ABHD12B: variants seen among roughly 807,000 people sequenced by gnomAD.
ABHD12B encodes the protein abhydrolase domain containing 12B, also known as protein ABHD12B.
A neutral mutation model predicts 50.4 loss-of-function variants in ABHD12B; 42 were observed. The observed-to-expected ratio is 0.83, with a 90% CI of 0.65 to 1.08. The LOEUF (loss-of-function observed/expected upper bound fraction) is 1.08. Ranked by LOEUF, ABHD12B falls within the 50% of genes least tolerant of loss-of-function variation. The pLI is 0.00. For missense variants in ABHD12B, 479 were observed against 447.7 expected (o/e 1.07, Z -0.63); for synonymous variants, 167 against 160.3 (o/e 1.04, Z -0.32).
Position 50,904,349 on chromosome 14 carries a change from A to G in ABHD12B, c.1072A>G (p.Ser358Gly), listed in dbSNP as rs1349520885. 6.2e-7 allele frequency: 1 copy of G among 1,613,990 alleles called. No homozygotes were observed. Among genetic ancestry groups the G allele is most frequent in the African/African-American group, 1.3e-5 (1 of 75,036 alleles). ...TLLITVRDFL[S>G]KQWS ...GTCCTTTTTCTACAGAGATTTCCTG[A>G]GCAAGCAGTGGTCATGAGTCTGGGA... Residue 358 changes from serine to glycine, a missense_variant, in exon 13 of 13, where the codon AGC (serine) becomes GGC (glycine). Transcript: ENST00000337334.
rs749773997 is a variant in ABHD12B at position 50,885,803 on chromosome 14, A to C, written c.570A>C (p.Gly190=). The change falls in exon 7 of 13, where the codon GGA becomes GGC. Residue 190 remains glycine (G), a synonymous_variant. Coordinates refer to ENST00000337334, the MANE Select transcript of ABHD12B (RefSeq NM_001206673.2). ...CTACAGGTAAGCCCACAGAGGAGGG[A>C]CTGACTACGGATGCCATTTGTGTCT... ...GDSTGKPTEE[G]LTTDAICVYE... is the part of the protein sequence containing the mutation. 5.0e-6 allele frequency: 8 copies of C among 1,614,030 alleles called. No individual in the cohort carries two copies. In the East Asian group the frequency reaches 1.8e-4, roughly 36 times the overall value.
Position 50,904,773 on chromosome 14 carries a change from G to A in ABHD12B, c.*407G>A. On this transcript the variant is annotated 3_prime_UTR_variant, in exon 13 of 13. Coordinates refer to ENST00000337334, the MANE Select transcript of ABHD12B (RefSeq NM_001206673.2). ...GTAATAGGAGGTGGGACTGAGCTCTGATGAATGAGATTAGTGCCCTTATAA... is the reference window on the plus strand; with the variant it reads ...GTAATAGGAGGTGGGACTGAGCTCTAATGAATGAGATTAGTGCCCTTATAA... The A allele has an allele frequency of 3.6e-6, 1 of 274,826 alleles. No homozygotes were observed. The highest frequency in any genetic ancestry group is 4.5e-5 in the South Asian group (1 of 22,012). 17.0% of individuals were successfully genotyped at this position (274,826 alleles called of 1,614,324 possible). A position where few individuals can be genotyped will look rare whatever the true frequency, so the allele number is the denominator to read the frequency against.
chr14:50,889,568 G>C (rs1334501693), intron 9 of ABHD12B, among the ~76,000 whole-genome samples: 1 of 152,160 alleles, frequency 6.6e-6, no homozygotes. Context: ...AACCCGGGAG[G>C]CAGAGGTTGC....
intron 7 of ABHD12B, among the ~76,000 whole-genome samples, chr14:50,886,309 C>A (rs951157421): frequency 2.6e-5 from 4 of 151,734 alleles, no homozygotes; most frequent in African/African-American, 9.7e-5. Flanking sequence ...CTTGGTGGTG[C>A]GTGCCTGTAA....
At position 50,885,910 on chromosome 14, in the gene ABHD12B, C is replaced by A; in HGVS notation, c.662+15C>A. On this transcript the variant is annotated intron_variant, in intron 7 of 12. Transcript: ENST00000337334. ...CTGGGTACAGGGTAAGTGAGATCTG[C>A]AAATGTGTCCTTAGGCAGGTCCTTG... The A allele has an allele frequency of 6.2e-7, 1 of 1,613,624 alleles. No individual in the cohort carries two copies. The highest frequency in any genetic ancestry group is 8.5e-7 in the Non-Finnish European group (1 of 1,179,936).
chr14:50,878,820 T>G lies in ABHD12B; in HGVS notation c.308T>G (p.Val103Gly), dbSNP rs1390502362. Residue 103 changes from valine (V) to glycine (G), a missense_variant, in exon 3 of 13, where the codon GTT becomes GGT. Val to Gly is a moderately radical substitution (Grantham distance 109). Coordinates refer to ENST00000337334, the MANE Select transcript of ABHD12B (RefSeq NM_001206673.2). Reference sequence around the variant, plus strand: ...CACACAGTGAACTTCTACCTGAGAGTTGAACCTGGGGTGATGCTAGGGATC... The same window carrying G: ...CACACAGTGAACTTCTACCTGAGAGGTGAACCTGGGGTGATGCTAGGGATC... The part of the protein sequence containing the change: ...IPHTVNFYLR[V>G]EPGVMLGIWH... 2 of 1,613,942 alleles carry G rather than the reference T, an allele frequency of 1.2e-6. No homozygotes were observed. Among genetic ancestry groups the G allele is most frequent in the African/African-American group, 1.3e-5 (1 of 75,046 alleles).
Position 50,901,842 on chromosome 14 carries a change from T to C in ABHD12B, c.794T>C (p.Ile265Thr), listed in dbSNP as rs955779386. 4 of 1,593,558 alleles carry C rather than the reference T, an allele frequency of 2.5e-6. No individual in the cohort carries two copies. ...NYPLLKIYRNIPGFLRTLMDA... is the reference protein window; with the variant it reads ...NYPLLKIYRNTPGFLRTLMDA... ...TTTTAAAAATAGATTTACCGGAACA[T>C]TCCAGGATTTTTACGTACACTTATG... The change falls in exon 10 of 13, where the codon ATT becomes ACT. Residue 265 changes from isoleucine to threonine, a missense_variant. Transcript: ENST00000337334.
intron 9 of ABHD12B, among the ~76,000 whole-genome samples, chr14:50,900,454 C>T (rs956773216): frequency 2.0e-5 from 3 of 151,950 alleles, no homozygotes; most frequent in African/African-American, 7.3e-5. Flanking sequence ...CATTTACCTA[C>T]GAAGTTCATA....
chr14:50,873,848 A>G (rs1289748697), intron 1 of ABHD12B, among the ~76,000 whole-genome samples: 1 of 152,202 alleles, frequency 6.6e-6, no homozygotes, highest in East Asian at 1.9e-4. Context: ...CACTTTGTTG[A>G]TAATGGAGTG....
intron 11 of ABHD12B, 32 bp from the exon 12 acceptor site, chr14:50,904,042 C>T (rs754202844): frequency 1.9e-6 from 3 of 1,549,032 alleles, no homozygotes; most frequent in East Asian, 2.2e-5. Flanking sequence ...CTTTGAATGG[C>T]CATCCTTTGA....
Position 50,904,051 on chromosome 14 carries a change from G to A in ABHD12B, c.943-23G>A, listed in dbSNP as rs750017123. 6 of 1,585,384 alleles carry A rather than the reference G, an allele frequency of 3.8e-6. No individual in the cohort carries two copies. The African/African-American group carries it at 5.4e-5, about 14-fold the overall frequency. On this transcript the variant is annotated intron_variant, in intron 11 of 12. Coordinates refer to ENST00000337334, the MANE Select transcript of ABHD12B (RefSeq NM_001206673.2). ...CTACAGCTTTGAATGGCCATCCTTT[G>A]AGTCTCTTTCTGTCGCTTGCAGCTC...
intron 12 of ABHD12B, 68 bp from the exon 13 acceptor site, chr14:50,904,271 A>G: frequency 6.2e-7 from 1 of 1,613,914 alleles, no homozygotes; most frequent in Non-Finnish European, 8.5e-7. Flanking sequence ...CACAACATGA[A>G]AATGTATAAT....
At position 50,893,679 on chromosome 14, in the gene ABHD12B, G is replaced by C. The variant is rs148556171; in HGVS notation, c.780+4776G>C. The C allele has an allele frequency of 7.0e-3, 1,272 of 181,640 alleles. 3 individuals are homozygous for C. The highest frequency in any genetic ancestry group is 0.01 in the Non-Finnish European group (916 of 91,116). The allele number at this position is 181,640 out of a possible 1,614,324, so 11.3% of individuals were successfully genotyped here. On this transcript the variant is annotated intron_variant, in intron 9 of 12. Coordinates refer to ENST00000337334, the MANE Select transcript of ABHD12B (RefSeq NM_001206673.2). ...TCAATCCCCCATCCTCCTGCTCTTT[G>C]CTCCATGAGAAAAATCCACCTATGA...
Position 50,904,111 on chromosome 14 carries a change from A to T in ABHD12B, c.980A>T (p.Glu327Val). The T allele has an allele frequency of 6.2e-7, 1 of 1,614,144 alleles. No individual in the cohort carries two copies. Among genetic ancestry groups the T allele is most frequent in the Non-Finnish European group, 8.5e-7 (1 of 1,179,998 alleles). The stretch of plus-strand genomic sequence containing the variant: ...GCACGCAATGCATACAGGAACAAAG[A>T]GAGGGTCAAGATGGTTATCTTTCCT... ...EIARNAYRNK[E>V]RVKMVIFPPG... The change falls in exon 12 of 13, where the codon GAG (glutamate) becomes GTG (valine). Residue 327 changes from glutamate (E) to valine (V), a missense_variant. Transcript: ENST00000337334.
intron 9 of ABHD12B, among the ~76,000 whole-genome samples, chr14:50,898,941 C>T (rs2050230407): frequency 6.6e-6 from 1 of 152,168 alleles, no homozygotes. Flanking sequence ...GCCTGTAATC[C>T]CAGCACTTTG....
intron 1 of ABHD12B, 40 bp from the exon 2 acceptor site, chr14:50,877,912 T>C: frequency 6.8e-7 from 1 of 1,463,028 alleles, no homozygotes; most frequent in Non-Finnish European, 9.0e-7. Flanking sequence ...GACAAATGGA[T>C]TAATTTCGAA....
intron 9 of ABHD12B, among the ~76,000 whole-genome samples, chr14:50,894,088 G>A (rs2050158776): frequency 6.6e-6 from 1 of 151,128 alleles, no homozygotes; most frequent in Non-Finnish European, 1.5e-5. Flanking sequence ...TTCTGGGGAA[G>A]GGGCAAGTAC....
intron 11 of ABHD12B, 55 bp from the exon 12 acceptor site, chr14:50,904,019 G>C: frequency 6.9e-7 from 1 of 1,457,810 alleles, no homozygotes; most frequent in East Asian, 2.3e-5. Context: ...AATTGGACTA[G>C]AAAAATCTAC....
At chr14:50,896,930 T>C (rs1025773457) in intron 9 of ABHD12B, among the ~76,000 whole-genome samples, 102 of 152,200 alleles carry the variant, frequency 6.7e-4, no homozygotes, top group African/African-American at 2.4e-3. Flanking sequence ...GCTTTTTCAG[T>C]TACTCAAAGA....
Sources: allele counts gnomAD v4.1 joint callset (sites outside exome capture counted in the v4.1 genomes callset), GRCh38; gene constraint gnomAD v4.1.1; transcripts MANE v1.5; gene names NCBI Gene and HGNC (gene_info 2026-07-23, HGNC 2026-07-21).